The following LRRTM4 variants were observed in gnomAD, a reference collection of about 807,000 sequenced individuals.
The protein encoded by LRRTM4 is leucine rich repeat transmembrane neuronal 4.
In LRRTM4, 25 loss-of-function variants were observed where a neutral mutation model predicts 47.6. The observed-to-expected ratio is 0.53, with a 90% CI of 0.38 to 0.73. The LOEUF is 0.73. Among genes scored for constraint, LRRTM4 ranks in the 30% least tolerant of loss-of-function variants. LRRTM4 has a pLI of 0.00. For missense variants in LRRTM4, 638 were observed against 713.4 expected (o/e 0.89, Z 1.20); for synonymous variants, 311 against 269.5 (o/e 1.15, Z -1.51).
At chr2:77,245,997 C>G (rs1360578729) in intron 3 of LRRTM4, among the ~76,000 whole-genome samples, 1 of 152,150 alleles carries the variant, frequency 6.6e-6, no homozygotes, top group Non-Finnish European at 1.5e-5. Flanking sequence ...ATCTCAAATG[C>G]CACTAAATAC....
chr2:77,214,698 T>C (rs1314096989), intron 3 of LRRTM4, among the ~76,000 whole-genome samples: 1 of 151,842 alleles, frequency 6.6e-6, no homozygotes, highest in Non-Finnish European at 1.5e-5. Flanking sequence ...TTTATATAAA[T>C]CTTTTTTTTT....
At chr2:76,999,140 A>C (rs1485456775) in intron 3 of LRRTM4, among the ~76,000 whole-genome samples, 2 of 151,902 alleles carry the variant, frequency 1.3e-5, no homozygotes, top group Non-Finnish European at 2.9e-5. Context: ...CTGTTTGTTT[A>C]AGCAGCACTG....
At chr2:77,008,920 C>T (rs1573445104) in intron 3 of LRRTM4, 1 of 147,662 alleles carries the variant, frequency 6.8e-6, no homozygotes, top group Non-Finnish European at 1.5e-5. Context: ...AGGTCTCAAG[C>T]CATATTGGAG....
rs958910248 is a variant in LRRTM4, at chr2:77,181,263, A to G, written c.1551+337055T>C. On this transcript the variant is annotated intron_variant, in intron 3 of 3. Transcript: ENST00000409884. ...GTCCAAAAGACCCATGGACAATTCTATTTTGGAATACCAGTTTCATGTCTG... is the reference window on the plus strand; with the variant it reads ...GTCCAAAAGACCCATGGACAATTCTGTTTTGGAATACCAGTTTCATGTCTG... Among the ~76,000 whole-genome samples, 10 of 152,250 alleles carry G rather than the reference A, an allele frequency of 6.6e-5. No individual in the cohort carries two copies. In the East Asian group the frequency reaches 1.7e-3, roughly 26 times the overall value.
At chr2:77,004,520 T>C (rs935136705) in intron 3 of LRRTM4, among the ~76,000 whole-genome samples, 3 of 152,172 alleles carry the variant, frequency 2.0e-5, no homozygotes, top group African/African-American at 7.2e-5. Context: ...CACCTGGATG[T>C]TCAGGCAGAA....
chr2:76,830,639 T>C (rs1671322943), intron 3 of LRRTM4, among the ~76,000 whole-genome samples: 1 of 151,914 alleles, frequency 6.6e-6, no homozygotes, highest in African/African-American at 2.4e-5. Flanking sequence ...TTTATATTTA[T>C]ATTAAAATTA....
At chr2:76,918,948 A>T (rs1674343103) in intron 3 of LRRTM4, among the ~76,000 whole-genome samples, 1 of 152,204 alleles carries the variant, frequency 6.6e-6, no homozygotes, top group African/African-American at 2.4e-5. Context: ...AGAAAAGCTG[A>T]TATGCTCCTG....
intron 3 of LRRTM4, among the ~76,000 whole-genome samples, chr2:76,798,482 C>A (rs1221312603): frequency 1.3e-5 from 2 of 149,236 alleles, no homozygotes; most frequent in African/African-American, 4.9e-5. Flanking sequence ...GCACTAAATG[C>A]CCACAAGAGA....
chr2:77,166,634 C>T (rs1008842665), intron 3 of LRRTM4, among the ~76,000 whole-genome samples: 2 of 151,970 alleles, frequency 1.3e-5, no homozygotes, highest in Non-Finnish European at 2.9e-5. Flanking sequence ...CAGAATAGAG[C>T]CCTCAGAAAT....
intron 3 of LRRTM4, among the ~76,000 whole-genome samples, chr2:76,947,575 G>T (rs1341974139): frequency 6.6e-6 from 1 of 151,168 alleles, no homozygotes; most frequent in Admixed American, 6.6e-5. Context: ...TTTTTTGTAG[G>T]AATCAACGTA....
intron 3 of LRRTM4, among the ~76,000 whole-genome samples, chr2:77,515,302 T>G (rs993218311): frequency 1.3e-5 from 2 of 151,880 alleles, no homozygotes; most frequent in Non-Finnish European, 2.9e-5. Context: ...AATTAAAACT[T>G]GCAAAACATA....
intron 3 of LRRTM4, among the ~76,000 whole-genome samples, chr2:77,466,186 GA>G (rs1198339076): frequency 6.6e-6 from 1 of 152,188 alleles, no homozygotes; most frequent in East Asian, 1.9e-4. Context: ...AAGCTTATCA[GA>G]AAGGGGCATA....
intron 3 of LRRTM4, among the ~76,000 whole-genome samples, chr2:77,196,638 G>A (rs1212549576): frequency 6.6e-6 from 1 of 152,142 alleles, no homozygotes; most frequent in East Asian, 1.9e-4. Flanking sequence ...CAGCTTAGTA[G>A]GCTGAGGCAG....
chr2:76,985,309 G>A (rs1225556232), intron 3 of LRRTM4, among the ~76,000 whole-genome samples: 2 of 152,022 alleles, frequency 1.3e-5, no homozygotes, highest in African/African-American at 4.8e-5. Context: ...GGGGGATAAT[G>A]TTTCCTTAAA....
At chr2:77,251,697 A>G (rs1033414945) in intron 3 of LRRTM4, among the ~76,000 whole-genome samples, 1 of 152,186 alleles carries the variant, frequency 6.6e-6, no homozygotes, top group Non-Finnish European at 1.5e-5. Flanking sequence ...AACTAACAGT[A>G]GAGACTATAT....
At chr2:77,403,545 C>T (rs1674048962) in intron 3 of LRRTM4, among the ~76,000 whole-genome samples, 1 of 151,646 alleles carries the variant, frequency 6.6e-6, no homozygotes, top group Admixed American at 6.6e-5. Context: ...AAAATAAGTT[C>T]ACCATCAAAT....
chr2:77,131,087 G>C (rs1450877148), intron 3 of LRRTM4, among the ~76,000 whole-genome samples: 1 of 151,628 alleles, frequency 6.6e-6, no homozygotes, highest in Non-Finnish European at 1.5e-5. Context: ...GCCCGCCTCG[G>C]CCTCCCAAAG....
chr2:77,378,518 T>A (rs1208199469), intron 3 of LRRTM4, among the ~76,000 whole-genome samples: 1 of 152,174 alleles, frequency 6.6e-6, no homozygotes. Context: ...TATATGTATT[T>A]TCAACAATTG....
chr2:77,356,440 C>T (rs1263824320), intron 3 of LRRTM4, among the ~76,000 whole-genome samples: 1 of 152,054 alleles, frequency 6.6e-6, no homozygotes, highest in Non-Finnish European at 1.5e-5. Context: ...AGCTTCAAAA[C>T]TCACTCTGAA....
Sources: allele counts gnomAD v4.1 joint callset (sites outside exome capture counted in the v4.1 genomes callset), GRCh38; gene constraint gnomAD v4.1.1; transcripts MANE v1.5; gene names NCBI Gene and HGNC (gene_info 2026-07-23, HGNC 2026-07-21).